The following TENM3 variants were observed in gnomAD, a reference collection of about 807,000 sequenced individuals.
The protein encoded by TENM3 is teneurin-3.
TENM3 carries 63 observed loss-of-function variants against 255.1 expected under a neutral mutation model. That is an observed-to-expected ratio of 0.25 (90% confidence interval 0.20 to 0.30). The LOEUF (loss-of-function observed/expected upper bound fraction) is 0.30. Ranked by LOEUF, TENM3 falls within the 10% of genes least tolerant of loss-of-function variation. The pLI is 1.00. For synonymous variants in TENM3, 1,306 were observed against 1,322.3 expected (o/e 0.99, Z 0.27); for missense variants, 2,929 against 3,461.1 (o/e 0.85, Z 3.86).
At chr4:182,542,307 A>G (rs1740960241) in intron 3 of TENM3, among the ~76,000 whole-genome samples, 1 of 151,950 alleles carries the variant, frequency 6.6e-6, no homozygotes, top group South Asian at 2.1e-4. Flanking sequence ...CTCTAGGGGA[A>G]CTCTTTAGCA....
intron 16 of TENM3, among the ~76,000 whole-genome samples, chr4:182,734,494 G>T (rs1374939128): frequency 1.3e-5 from 2 of 152,198 alleles, no homozygotes; most frequent in Non-Finnish European, 2.9e-5. Context: ...GAGTGAACAG[G>T]CTGTTCTTGT....
rs772747310 is a variant in TENM3, at chr4:182,324,232, C to T, written c.212C>T (p.Ala71Val). 6.2e-7 allele frequency: 1 copy of T among 1,613,592 alleles called. No individual in the cohort carries two copies. Among genetic ancestry groups the T allele is most frequent in the Non-Finnish European group, 8.5e-7 (1 of 1,179,492 alleles). ...GTGAAGGATTTGGTTCACAGAGAAG[C>T]AGACGAGTTCACTAGACAAGGTGGG... ...NRVKDLVHRE[A>V]DEFTRQGQNF... Residue 71 changes from alanine (A) to valine (V), a missense_variant, in exon 2 of 28, where the codon GCA (alanine) becomes GTA (valine). By Grantham distance (64) the Ala-to-Val change is moderately conservative (BLOSUM62 0). Coordinates refer to ENST00000511685, the MANE Select transcript of TENM3 (RefSeq NM_001080477.4).
chr4:182,073,764 C>G, the TENM3 span, among the ~76,000 whole-genome samples: 1 of 152,158 alleles, frequency 6.6e-6, no homozygotes, highest in Admixed American at 6.5e-5. Context: ...CCATCTCAGT[C>G]CTTACCCCAG....
In TENM3 at chr4:182,301,614, CA is replaced by C. The variant is rs1293058635; in HGVS notation, c.-75-22331del. Among the ~76,000 whole-genome samples, 3 of 152,312 alleles carry C rather than the reference CA, an allele frequency of 2.0e-5. No homozygotes were observed. In the East Asian group the frequency reaches 5.8e-4, roughly 29 times the overall value. On this transcript the variant is annotated intron_variant, in intron 1 of 27. Transcript: ENST00000511685. ...TGAAAATTCCCACTCCTAGGTGCGT[CA>C]GAGGAGAGAAGCCTCTTGTGACACT...
intron 13 of TENM3, among the ~76,000 whole-genome samples, chr4:182,714,947 C>T (rs546382576): frequency 1.4e-4 from 22 of 152,296 alleles, no homozygotes; most frequent in African/African-American, 4.8e-4. Context: ...TGCAATGGCA[C>T]GATCTCAGCT....
At chr4:181,495,310 G>A in the TENM3 span, among the ~76,000 whole-genome samples, 1 of 152,104 alleles carries the variant, frequency 6.6e-6, no homozygotes, top group Admixed American at 6.6e-5. Context: ...CAGCACCTCA[G>A]GCATCAGGGA....
chr4:181,987,067 G>T, the TENM3 span, among the ~76,000 whole-genome samples: 4 of 151,898 alleles, frequency 2.6e-5, no homozygotes, highest in African/African-American at 4.8e-5. Context: ...AAACCAACCC[G>T]TCCCAAAACA....
At chr4:182,709,647 ACTT>A (rs2152667003) in intron 12 of TENM3, among the ~76,000 whole-genome samples, 1 of 152,196 alleles carries the variant, frequency 6.6e-6, no homozygotes, top group South Asian at 2.1e-4. Context: ...TCTCCTTTTA[ACTT>A]CTTCATTATT....
At chr4:182,070,762 A>G in the TENM3 span, among the ~76,000 whole-genome samples, 1,066 of 152,320 alleles carry the variant, frequency 7.0e-3, 8 homozygotes, top group African/African-American at 0.024. Flanking sequence ...CTGAATTCCA[A>G]TGATTGAGAA....
intron 3 of TENM3, among the ~76,000 whole-genome samples, chr4:182,373,785 C>T (rs1767001184): frequency 6.6e-6 from 1 of 152,134 alleles, no homozygotes; most frequent in South Asian, 2.1e-4. Context: ...TTTTTGGGAG[C>T]CCCCTACTAA....
At chr4:181,970,488 T>G in the TENM3 span, among the ~76,000 whole-genome samples, 1 of 152,348 alleles carries the variant, frequency 6.6e-6, no homozygotes, top group African/African-American at 2.4e-5. Flanking sequence ...TCACTTCCTG[T>G]GGTTCAGTCT....
chr4:181,678,841 CAAAAA>C, the TENM3 span, among the ~76,000 whole-genome samples: 1,916 of 102,870 alleles, frequency 0.019, 42 homozygotes, highest in African/African-American at 0.056. Context: ...ATGTTTTAAA[CAAAAA>C]AAAAAAAAAC....
intron 1 of TENM3, among the ~76,000 whole-genome samples, chr4:182,229,630 A>G (rs1756428533): frequency 6.6e-6 from 1 of 151,432 alleles, no homozygotes; most frequent in African/African-American, 2.4e-5. Context: ...GTGTATATAT[A>G]TATATACACA....
At chr4:182,502,817 G>T (rs1232816183) in intron 3 of TENM3, among the ~76,000 whole-genome samples, 1 of 150,456 alleles carries the variant, frequency 6.6e-6, no homozygotes, top group East Asian at 2.0e-4. Flanking sequence ...GTATTAAATT[G>T]TGGGATGCTA....
At chr4:181,692,760 G>A in the TENM3 span, among the ~76,000 whole-genome samples, 2 of 152,130 alleles carry the variant, frequency 1.3e-5, no homozygotes. Context: ...GGGCATCAGA[G>A]GGTCTTTGCT....
the TENM3 span, among the ~76,000 whole-genome samples, chr4:181,989,349 T>A: frequency 2.0e-5 from 3 of 151,990 alleles, no homozygotes; most frequent in African/African-American, 7.2e-5. Context: ...AAAGGAGAGC[T>A]GGCTTTAGCT....
At chr4:181,654,519 C>T in the TENM3 span, among the ~76,000 whole-genome samples, 1 of 151,946 alleles carries the variant, frequency 6.6e-6, no homozygotes, top group Non-Finnish European at 1.5e-5. Flanking sequence ...TTTGGGAGGC[C>T]GATGAGGGTG....
intron 13 of TENM3, among the ~76,000 whole-genome samples, chr4:182,720,773 T>C (rs986715542): frequency 4.0e-5 from 6 of 149,918 alleles, no homozygotes; most frequent in Non-Finnish European, 7.4e-5. Context: ...CCTCTTTTTT[T>C]TTTTTTTTTT....
chr4:181,632,145 A>G, the TENM3 span, among the ~76,000 whole-genome samples: 1 of 152,186 alleles, frequency 6.6e-6, no homozygotes, highest in African/African-American at 2.4e-5. Context: ...ACAGTTCTAC[A>G]TGGCTGGGGA....
Sources: gnomAD v4.1 joint callset for allele counts (sites outside exome capture counted in the v4.1 genomes callset) on GRCh38, gnomAD v4.1.1 for gene constraint, MANE v1.5 for transcripts, NCBI Gene and HGNC (gene_info 2026-07-23, HGNC 2026-07-21) for gene names.